Variants in EFL1 observed in about 807,000 individuals in gnomAD.
EFL1 encodes elongation factor-like GTPase 1.
In EFL1, 76 loss-of-function variants were observed where a neutral mutation model predicts 126.7. That is an observed-to-expected ratio of 0.60 (90% CI 0.50 to 0.73). The LOEUF (loss-of-function observed/expected upper bound fraction) is 0.73, where lower values mean the gene tolerates loss of function less well. Ranked by LOEUF, EFL1 falls within the 30% of genes least tolerant of loss-of-function variation. The pLI is 0.00. For missense variants in EFL1, 1,128 were observed against 1,343.2 expected (o/e 0.84, Z 2.50); for synonymous variants, 410 against 448.4 (o/e 0.91, Z 1.08).
intron 10 of EFL1, 149 bp from the exon 11 acceptor site, chr15:82,227,721 T>G (rs139522091): frequency 9.6e-7 from 1 of 1,045,944 alleles, no homozygotes. Context: ...ATGCATCACA[T>G]CTCAAAACAT....
At position 82,133,905 on chromosome 15, in the gene EFL1, G is replaced by A. The variant is rs1336537703; in HGVS notation, c.3175-3344C>T. Among the ~76,000 whole-genome samples the A allele has an allele frequency of 2.6e-5, 4 of 152,294 alleles. No homozygotes were observed. The East Asian group carries it at 5.8e-4, about 22-fold the overall frequency. ...TGGAATCAAACCCAGAGAGTGAGGA[G>A]TCGGGGGTTGGCACTTCACTGAATC... On this transcript the variant is annotated intron_variant, in intron 19 of 19. Coordinates refer to ENST00000268206, the MANE Select transcript of EFL1 (RefSeq NM_024580.6).
intron 18 of EFL1, among the ~76,000 whole-genome samples, chr15:82,144,158 G>A (rs2073817746): frequency 1.3e-5 from 2 of 151,966 alleles, no homozygotes; most frequent in Admixed American, 1.3e-4. Context: ...AGGCTGAGGT[G>A]GGAGGAGCGC....
At chr15:82,198,819 A>G (rs2074436888) in intron 15 of EFL1, among the ~76,000 whole-genome samples, 1 of 152,216 alleles carries the variant, frequency 6.6e-6, no homozygotes, top group East Asian at 1.9e-4. Context: ...CTCCAACCAG[A>G]GGATGCCTTA....
chr15:82,241,151 T>C (rs1438903311), intron 5 of EFL1, 119 bp downstream of exon 5: 3 of 1,214,118 alleles, frequency 2.5e-6, no homozygotes, highest in East Asian at 2.4e-5. Flanking sequence ...ACTGGAACGT[T>C]ACCAAATGTG....
chr15:82,152,832 T>A lies in EFL1; in HGVS notation c.2031-409A>T, dbSNP rs931453275. Among the ~76,000 whole-genome samples the A allele has an allele frequency of 5.9e-5, 9 of 152,268 alleles. 1 individual carries two copies. The South Asian group carries it at 1.4e-3, about 25-fold the overall frequency. ...CAATGATTAAAACTCTAAATAGACA[T>A]AGAATCACAGAACCTCAGGATAGCT... is the stretch of plus-strand genomic sequence containing the variant. On this transcript the variant is annotated intron_variant, in intron 17 of 19. Coordinates refer to ENST00000268206, the MANE Select transcript of EFL1 (RefSeq NM_024580.6).
At chr15:82,227,424 A>G in intron 11 of EFL1, 26 bp downstream of exon 11, 1 of 1,614,010 alleles carries the variant, frequency 6.2e-7, no homozygotes, top group Non-Finnish European at 8.5e-7. Flanking sequence ...GACATGGTAT[A>G]TTCCAACAGG....
At chr15:82,231,698 C>A (rs1179505649) in intron 7 of EFL1, among the ~76,000 whole-genome samples, 1 of 150,518 alleles carries the variant, frequency 6.6e-6, no homozygotes, top group East Asian at 1.9e-4. Context: ...TTTTTCCACA[C>A]CATACTGAAA....
chr15:82,223,684 C>CA (rs1212621557), intron 12 of EFL1, among the ~76,000 whole-genome samples: 6 of 152,046 alleles, frequency 3.9e-5, no homozygotes, highest in Non-Finnish European at 5.9e-5. Flanking sequence ...TCCCAATGGC[C>CA]AAAAAACATC....
At chr15:82,253,055 T>C (rs1318821616) in intron 3 of EFL1, among the ~76,000 whole-genome samples, 4 of 151,944 alleles carry the variant, frequency 2.6e-5, no homozygotes, top group Non-Finnish European at 5.9e-5. Flanking sequence ...TTTTTTTTTT[T>C]TGAGACAGAG....
At chr15:82,260,236 GA>G (rs929136441) in intron 2 of EFL1, among the ~76,000 whole-genome samples, 45 of 147,022 alleles carry the variant, frequency 3.1e-4, no homozygotes, top group Non-Finnish European at 3.5e-4. Flanking sequence ...AATTCATAAA[GA>G]AAAAAAAAAC....
At chr15:82,256,720 T>G (rs1333483164) in intron 3 of EFL1, among the ~76,000 whole-genome samples, 1 of 152,218 alleles carries the variant, frequency 6.6e-6, no homozygotes, top group African/African-American at 2.4e-5. Flanking sequence ...TTACTACATG[T>G]CTTTATATCT....
chr15:82,163,067 T>C (rs1443121419), intron 16 of EFL1, among the ~76,000 whole-genome samples: 3 of 152,144 alleles, frequency 2.0e-5, no homozygotes, highest in Non-Finnish European at 4.4e-5. Flanking sequence ...GAGTTGTTAT[T>C]ATATGGTCAG....
At chr15:82,255,655 T>C (rs1415754775) in intron 3 of EFL1, among the ~76,000 whole-genome samples, 2 of 152,236 alleles carry the variant, frequency 1.3e-5, no homozygotes, top group Non-Finnish European at 2.9e-5. Flanking sequence ...GTCTTAACTG[T>C]GCAATTTGTG....
At chr15:82,251,437 G>A (rs2075020488) in intron 4 of EFL1, among the ~76,000 whole-genome samples, 1 of 152,128 alleles carries the variant, frequency 6.6e-6, no homozygotes, top group Non-Finnish European at 1.5e-5. Flanking sequence ...AAGGGAGGGG[G>A]ACTAGAGACA....
At chr15:82,147,440 GC>G (rs2073859438) in intron 18 of EFL1, among the ~76,000 whole-genome samples, 1 of 151,760 alleles carries the variant, frequency 6.6e-6, no homozygotes, top group Non-Finnish European at 1.5e-5. Flanking sequence ...GAGCAGCCTT[GC>G]TAAAATAGCA....
At chr15:82,250,732 G>A (rs141599190) in intron 4 of EFL1, among the ~76,000 whole-genome samples, 1 of 152,082 alleles carries the variant, frequency 6.6e-6, no homozygotes, top group Non-Finnish European at 1.5e-5. Flanking sequence ...TACTGATACG[G>A]TCTCTAGAGC....
chr15:82,136,120 CT>C (rs2073719416), intron 19 of EFL1, among the ~76,000 whole-genome samples: 1 of 151,774 alleles, frequency 6.6e-6, no homozygotes, highest in Non-Finnish European at 1.5e-5. Context: ...AAAAAAAAAG[CT>C]TTATAAAAAT....
At chr15:82,247,399 A>C (rs2074982673) in intron 4 of EFL1, among the ~76,000 whole-genome samples, 1 of 152,096 alleles carries the variant, frequency 6.6e-6, no homozygotes, top group Non-Finnish European at 1.5e-5. Context: ...TAAAAAGAAC[A>C]ATTATGAGTC....
At chr15:82,146,285 T>C (rs1313013577) in intron 18 of EFL1, among the ~76,000 whole-genome samples, 2 of 152,076 alleles carry the variant, frequency 1.3e-5, no homozygotes, top group African/African-American at 2.4e-5. Context: ...TTTTGCTAAA[T>C]AAAAAAGACC....
Sources: allele counts gnomAD v4.1 joint callset (sites outside exome capture counted in the v4.1 genomes callset), GRCh38; gene constraint gnomAD v4.1.1; transcripts MANE v1.5; gene names NCBI Gene and HGNC (gene_info 2026-07-23, HGNC 2026-07-21).